The following SYNE1 variants were observed in gnomAD, a reference collection of about 807,000 sequenced individuals.
SYNE1 encodes the protein nesprin-1.
Under a neutral mutation model 1,111.0 loss-of-function variants are expected in SYNE1, and 616 were observed. That is an observed-to-expected ratio of 0.55 (90% CI 0.52 to 0.59). The LOEUF (loss-of-function observed/expected upper bound fraction) is 0.59. Among genes scored for constraint, SYNE1 ranks in the 20% least tolerant of loss-of-function variants. SYNE1 has a pLI of 0.00. For synonymous variants in SYNE1, 3,855 were observed against 3,825.8 expected, an observed-to-expected ratio of 1.01 and a Z score of -0.28; for missense variants, 10,006 against 10,417.0, an observed-to-expected ratio of 0.96 and a Z score of 1.72.
At chr6:152,570,002 T>A (rs2099439887) in intron 3 of SYNE1, among the ~76,000 whole-genome samples, 1 of 152,232 alleles carries the variant, frequency 6.6e-6, no homozygotes, top group Non-Finnish European at 1.5e-5. Context: ...TAGACTGACC[T>A]GCAATTTAGT....
chr6:152,395,408 A>G (rs2097716822), intron 51 of SYNE1, 108 bp downstream of exon 51: 2 of 1,163,384 alleles, frequency 1.7e-6, no homozygotes, highest in African/African-American at 1.5e-5. Flanking sequence ...AGCACAAACC[A>G]CTACCCACAA....
chr6:152,491,053 G>C (rs1235145059), intron 11 of SYNE1, among the ~76,000 whole-genome samples: 3 of 152,092 alleles, frequency 2.0e-5, no homozygotes, highest in African/African-American at 7.2e-5. Flanking sequence ...GTCTTCCCTT[G>C]GTGTTTAATC....
intron 40 of SYNE1, among the ~76,000 whole-genome samples, chr6:152,417,446 C>G (rs1420284888): frequency 1.3e-5 from 2 of 152,048 alleles, no homozygotes; most frequent in African/African-American, 4.8e-5. Flanking sequence ...TGCAGTGAGC[C>G]AAGATTGCAC....
intron 63 of SYNE1, among the ~76,000 whole-genome samples, chr6:152,363,473 G>C (rs529335279): frequency 1.2e-4 from 18 of 150,680 alleles, no homozygotes; most frequent in South Asian, 4.2e-4. Flanking sequence ...GAGCCTGGGC[G>C]ACAGAGCAAG....
chr6:152,566,403 A>G (rs1266727024), intron 3 of SYNE1, among the ~76,000 whole-genome samples: 2 of 148,558 alleles, frequency 1.3e-5, no homozygotes, highest in Non-Finnish European at 3.0e-5. Context: ...CAGCTTTGAG[A>G]AAAAAAATCC....
chr6:152,317,553 A>G (rs1229300098), intron 86 of SYNE1, among the ~76,000 whole-genome samples: 4 of 152,112 alleles, frequency 2.6e-5, no homozygotes, highest in Non-Finnish European at 5.9e-5. Context: ...CTGGGTAAGG[A>G]GGTGGCAAGT....
intron 115 of SYNE1, among the ~76,000 whole-genome samples, chr6:152,228,902 T>C (rs1000801606): frequency 3.6e-5 from 5 of 138,884 alleles, no homozygotes; most frequent in African/African-American, 1.3e-4. Flanking sequence ...AAGCACCCAT[T>C]TTCTGATGTG....
At chr6:152,564,856 T>C (rs1297315311) in intron 3 of SYNE1, among the ~76,000 whole-genome samples, 2 of 152,156 alleles carry the variant, frequency 1.3e-5, no homozygotes, top group Non-Finnish European at 2.9e-5. Context: ...ACTTTATAGC[T>C]TCATTTAGCC....
chr6:152,155,845 C>T, intron 132 of SYNE1, 65 bp downstream of exon 132: 1 of 1,592,468 alleles, frequency 6.3e-7, no homozygotes, highest in Non-Finnish European at 8.6e-7. Flanking sequence ...AGTGGATACT[C>T]TGGGTGATTT....
chr6:152,430,973 AAGG>A (rs1235932637), intron 34 of SYNE1, among the ~76,000 whole-genome samples: 1 of 152,162 alleles, frequency 6.6e-6, no homozygotes, highest in Non-Finnish European at 1.5e-5. Flanking sequence ...TGAAGTAAGC[AAGG>A]AGATGTCCCT....
chr6:152,187,766 C>T (rs796576436), intron 128 of SYNE1, among the ~76,000 whole-genome samples: 6 of 152,222 alleles, frequency 3.9e-5, no homozygotes, highest in African/African-American at 1.4e-4. Context: ...GCTCTTGTTG[C>T]CCAGGCTGGA....
chr6:152,380,103 A>G (rs1275690660), intron 56 of SYNE1, among the ~76,000 whole-genome samples: 2 of 152,234 alleles, frequency 1.3e-5, no homozygotes, highest in Non-Finnish European at 2.9e-5. Flanking sequence ...ATCATTATAA[A>G]TAGAGTAGCA....
intron 145 of SYNE1, among the ~76,000 whole-genome samples, chr6:152,123,046 C>G (rs930455709): frequency 6.6e-6 from 1 of 152,214 alleles, no homozygotes; most frequent in Non-Finnish European, 1.5e-5. Flanking sequence ...TTTGATGCAG[C>G]ATATTTTTGT....
At chr6:152,444,169 A>G (rs1169379393) in intron 30 of SYNE1, among the ~76,000 whole-genome samples, 1 of 152,184 alleles carries the variant, frequency 6.6e-6, no homozygotes, top group African/African-American at 2.4e-5. Context: ...TATTCCTTGA[A>G]CTTTTTGATG....
Position 152,132,188 on chromosome 6 carries a change from A to C in SYNE1, c.26028T>G (p.Asp8676Glu), listed in dbSNP as rs200232839. 3.7e-6 allele frequency: 6 copies of C among 1,614,162 alleles called. No homozygotes were observed. In the Admixed American group the frequency reaches 8.3e-5, roughly 22 times the overall value. ...QQDLSSWSSA[D>E]ELDTSGSVSP... ...TCACAGACCCTGAGGTGTCCAGTTC[A>C]TCAGCAGAAGACCAGGAAGACAAAT... Residue 8676 changes from aspartate to glutamate, a missense_variant, in exon 144 of 146, where the codon GAT becomes GAG. Transcript: ENST00000367255.
At position 152,505,202 on chromosome 6, in the gene SYNE1, T is replaced by C; in HGVS notation, c.777A>G (p.Glu259=). 1 of 1,614,088 alleles carries C rather than the reference T, an allele frequency of 6.2e-7. No individual in the cohort carries two copies. Among genetic ancestry groups the C allele is most frequent in the Non-Finnish European group, 8.5e-7 (1 of 1,179,976 alleles). Residue 259 remains glutamate (E), a splice_region_variant and synonymous_variant, in exon 9 of 146, where the codon GAA becomes GAG. Transcript: ENST00000367255. ...ACAGTCAATGAATATTCAGCCTACC[T>C]TCAGGATCTAGCAGTCTTGGGATCC... ...ELGIPRLLDP[E]DVDVDKPDEK...
intron 11 of SYNE1, among the ~76,000 whole-genome samples, chr6:152,496,064 C>G (rs955376186): frequency 6.6e-6 from 1 of 152,106 alleles, no homozygotes; most frequent in Admixed American, 6.6e-5. Context: ...TTCTGTGACT[C>G]CTCTACCTAC....
At chr6:152,241,349 C>T (rs939674795) in intron 107 of SYNE1, among the ~76,000 whole-genome samples, 1 of 151,190 alleles carries the variant, frequency 6.6e-6, no homozygotes, top group Non-Finnish European at 1.5e-5. Context: ...CTTTACAAGC[C>T]ACCAGAGAGC....
intron 60 of SYNE1, 134 bp downstream of exon 60, chr6:152,369,337 A>G: frequency 6.9e-7 from 1 of 1,450,230 alleles, no homozygotes; most frequent in South Asian, 1.2e-5. Context: ...AAAATCCACC[A>G]GAAATGGGGA....
Sources: allele counts gnomAD v4.1 joint callset (sites outside exome capture counted in the v4.1 genomes callset), GRCh38; gene constraint gnomAD v4.1.1; transcripts MANE v1.5; gene names NCBI Gene and HGNC (gene_info 2026-07-23, HGNC 2026-07-21).